PLCD4: variants seen among roughly 807,000 people sequenced by gnomAD.
The protein encoded by PLCD4 is phospholipase C delta 4, also known as 1-phosphatidylinositol 4,5-bisphosphate phosphodiesterase delta-4.
Under a neutral mutation model 90.2 loss-of-function variants are expected in PLCD4, and 63 were observed. That is an observed-to-expected ratio of 0.70 (90% CI 0.57 to 0.86). The LOEUF (loss-of-function observed/expected upper bound fraction) is 0.86. Ranked by LOEUF, PLCD4 falls within the 40% of genes least tolerant of loss-of-function variation. PLCD4 has a pLI of 0.00. For missense variants in PLCD4, 830 were observed against 956.3 expected, an observed-to-expected ratio of 0.87 and a Z score of 1.74; for synonymous variants, 294 against 356.5, an observed-to-expected ratio of 0.82 and a Z score of 1.97.
chr2:218,617,543 C>A (rs1405100329), intron 3 of PLCD4, among the ~76,000 whole-genome samples: 1 of 151,404 alleles, frequency 6.6e-6, no homozygotes. Context: ...TGCCATTGCA[C>A]TCCAGCCTGG....
rs776387005 is a variant in PLCD4 at position 218,635,804 on chromosome 2, C to T, written c.1905C>T (p.Ser635=). 2.4e-5 allele frequency: 38 copies of T among 1,612,028 alleles called. No homozygotes were observed. Among genetic ancestry groups the T allele is most frequent in the African/African-American group, 5.3e-5 (4 of 74,848 alleles). ...CAGAGCCCTGACTACAGGTGATCAGCGGTCAGCAACTCCCCAAAGTGGACA... is the reference window on the plus strand; with the variant it reads ...CAGAGCCCTGACTACAGGTGATCAGTGGTCAGCAACTCCCCAAAGTGGACA... ...KAQTLLIQVI[S]GQQLPKVDKT... Residue 635 remains serine (S), a synonymous_variant, in exon 14 of 16, where the codon AGC becomes AGT. Coordinates refer to ENST00000450993, the MANE Select transcript of PLCD4 (RefSeq NM_032726.4).
In PLCD4 at chr2:218,636,333, G is replaced by A; in HGVS notation, c.2123G>A (p.Trp708Ter). ...CGTTTTGTGGTAATGGATTATGACT[G>A]GAAATCCCGAAATGACTTTATTGGT... ...MLRFVVMDYD[W>*]KSRNDFIGQY... Residue 708 changes from tryptophan (W) to a stop codon, truncating the protein, a stop_gained, in exon 15 of 16, where the codon TGG (tryptophan) becomes TAG (stop). Transcript: ENST00000450993. LOFTEE classifies it high-confidence loss of function. The A allele has an allele frequency of 4.3e-6, 7 of 1,614,040 alleles. No homozygotes were observed. The highest frequency in any genetic ancestry group is 2.2e-5 in the East Asian group (1 of 44,884).
chr2:218,626,361 T>C (rs1159080624), intron 6 of PLCD4, among the ~76,000 whole-genome samples: 3 of 152,100 alleles, frequency 2.0e-5, no homozygotes, highest in Admixed American at 2.0e-4. Flanking sequence ...ATGAGAGTCA[T>C]GTTGTTCCAC....
chr2:218,611,067 A>G (rs1695313454), intron 1 of PLCD4, among the ~76,000 whole-genome samples: 1 of 152,124 alleles, frequency 6.6e-6, no homozygotes, highest in Non-Finnish European at 1.5e-5. Flanking sequence ...CACTCATTAA[A>G]TGACTCTGGC....
chr2:218,634,606 C>T lies in PLCD4; in HGVS notation c.1872C>T (p.Phe624=). 6.2e-7 allele frequency: 1 copy of T among 1,613,986 alleles called. No individual in the cohort carries two copies. The highest frequency in any genetic ancestry group is 1.1e-5 in the South Asian group (1 of 91,080). ...ACCCTGAGAAGCCCATCAGCCCTTT[C>T]AAAGCCCAGACTCTCTTAATCCAGG... ...SFHPEKPISP[F]KAQTLLIQVI... Residue 624 remains phenylalanine (F), a synonymous_variant, in exon 13 of 16, where the codon TTC becomes TTT. Coordinates refer to ENST00000450993, the MANE Select transcript of PLCD4 (RefSeq NM_032726.4). This position sits in a 1 kb window ranked among gnomAD's most constrained non-coding sequence, Gnocchi z 4.0.
At position 218,610,734 on chromosome 2, in the gene PLCD4, T is replaced by C. The variant is rs201294963; in HGVS notation, c.-34+2664T>C. 9.2e-5 allele frequency among the ~76,000 whole-genome samples: 14 copies of C among 151,952 alleles called. No homozygotes were observed. In the East Asian group the frequency reaches 9.7e-4, roughly 11 times the overall value. ...ATGGAGACCTGGGTTCTTTTTTTTTTCCTCCTGCCCAAGACAGAGTTTTGC... is the reference window on the plus strand; with the variant it reads ...ATGGAGACCTGGGTTCTTTTTTTTTCCCTCCTGCCCAAGACAGAGTTTTGC... On this transcript the variant is annotated intron_variant, in intron 1 of 15. Coordinates refer to ENST00000450993, the MANE Select transcript of PLCD4 (RefSeq NM_032726.4).
intron 6 of PLCD4, among the ~76,000 whole-genome samples, chr2:218,627,122 G>A (rs1696151253): frequency 6.6e-6 from 1 of 151,518 alleles, no homozygotes; most frequent in African/African-American, 2.4e-5. Context: ...AGAGCCGGGT[G>A]TAGTGGGGGG....
At position 218,621,319 on chromosome 2, in the gene PLCD4, A is replaced by C. The variant is rs1198169483; in HGVS notation, c.411-151A>C. ...GACAAGATAGATTGGTGCTCTAGAG[A>C]GATTATTCTAGAAGCTGTGTGGAGA... On this transcript the variant is annotated intron_variant, in intron 4 of 15. Transcript: ENST00000450993. 8.0e-6 allele frequency: 7 copies of C among 880,414 alleles called. No individual in the cohort carries two copies. In the East Asian group the frequency reaches 1.8e-4, roughly 23 times the overall value. The allele number at this position is 880,414 out of a possible 1,614,324, so 54.5% of individuals were successfully genotyped here.
rs1696624479 is a variant in PLCD4, at chr2:218,634,921, C to A, written c.1896+291C>A. ...TATAACAGTTAATATAAAGTTCTTA[C>A]AATTCCTGGCACACAGGAAGTGCTA... is the stretch of plus-strand genomic sequence containing the variant. On this transcript the variant is annotated intron_variant, in intron 13 of 15. Coordinates refer to ENST00000450993, the MANE Select transcript of PLCD4 (RefSeq NM_032726.4). This position sits in a 1 kb window ranked among gnomAD's most constrained non-coding sequence, Gnocchi z 4.0. Among the ~76,000 whole-genome samples, 1 of 152,130 alleles carries A rather than the reference C, an allele frequency of 6.6e-6. No homozygotes were observed. Among genetic ancestry groups the A allele is most frequent in the African/African-American group, 2.4e-5 (1 of 41,434 alleles).
intron 6 of PLCD4, among the ~76,000 whole-genome samples, chr2:218,625,690 T>G (rs1696084161): frequency 6.6e-6 from 1 of 152,234 alleles, no homozygotes; most frequent in Admixed American, 6.5e-5. Context: ...TCCCAGCACT[T>G]TGGGAGGCCA....
intron 7 of PLCD4, 74 bp downstream of exon 7, chr2:218,628,304 C>CT (rs1480264267): frequency 6.9e-7 from 1 of 1,445,084 alleles, no homozygotes; most frequent in South Asian, 1.2e-5. Context: ...CTGTCAGTGT[C>CT]TAACAGATTG....
In PLCD4 at chr2:218,634,255, G is replaced by A; in HGVS notation, c.1723+34G>A. 1 of 1,591,986 alleles carries A rather than the reference G, an allele frequency of 6.3e-7. No homozygotes were observed. ...GCAGCAGGGACTGGGAAGAGGGAGT[G>A]GAGGAGCAGCAGGTGGGAAATAAGT... On this transcript the variant is annotated intron_variant, in intron 12 of 15. Coordinates refer to ENST00000450993, the MANE Select transcript of PLCD4 (RefSeq NM_032726.4). This position sits in a 1 kb window ranked among gnomAD's most constrained non-coding sequence, Gnocchi z 4.0.
Position 218,634,701 on chromosome 2 carries a change from G to A in PLCD4, c.1896+71G>A, listed in dbSNP as rs559307706. On this transcript the variant is annotated intron_variant, in intron 13 of 15. Transcript: ENST00000450993. The surrounding 1 kb of genome is among the most constrained non-coding windows in gnomAD (Gnocchi z 4.0). The stretch of plus-strand genomic sequence containing the variant: ...TAGAAGTGAGGGAAGAGGTGGCTAG[G>A]CCTGACCGGAATGTAGAGGCCGGAT... 1.3e-6 allele frequency: 2 copies of A among 1,533,396 alleles called. No homozygotes were observed. Among genetic ancestry groups the A allele is most frequent in the Non-Finnish European group, 8.9e-7 (1 of 1,125,902 alleles). The allele number at this position is 1,533,396 out of a possible 1,614,324, so 95.0% of individuals were successfully genotyped here.
At chr2:218,616,147 A>G (rs1198651943) in intron 3 of PLCD4, 85 bp downstream of exon 3, 6 of 1,475,018 alleles carry the variant, frequency 4.1e-6, no homozygotes, top group African/African-American at 1.4e-5. Context: ...AAGTCCTACG[A>G]TAGTGTGTGT....
chr2:218,620,984 C>T (rs572899512), intron 4 of PLCD4, among the ~76,000 whole-genome samples: 1 of 150,978 alleles, frequency 6.6e-6, no homozygotes, highest in Non-Finnish European at 1.5e-5. Flanking sequence ...GGCTGGAATG[C>T]AGTGGTGCCA....
In PLCD4 at chr2:218,635,940, C is replaced by T; in HGVS notation, c.2032+9C>T. On this transcript the variant is annotated intron_variant, in intron 14 of 15. Coordinates refer to ENST00000450993, the MANE Select transcript of PLCD4 (RefSeq NM_032726.4). Reference sequence around the variant, plus strand: ...CTATGTGGAGAACAATGGTGAGAAACTGGCAGTGCTGGGGAGGTGGGGGTA... The same window carrying T: ...CTATGTGGAGAACAATGGTGAGAAATTGGCAGTGCTGGGGAGGTGGGGGTA... 1 of 1,613,988 alleles carries T rather than the reference C, an allele frequency of 6.2e-7. No homozygotes were observed. The highest frequency in any genetic ancestry group is 8.5e-7 in the Non-Finnish European group (1 of 1,179,886).
In PLCD4 at chr2:218,634,058, G is replaced by C. The variant is rs1696557848; in HGVS notation, c.1607-47G>C. 1.3e-6 allele frequency: 2 copies of C among 1,561,926 alleles called. No homozygotes were observed. Among genetic ancestry groups the C allele is most frequent in the Non-Finnish European group, 1.7e-6 (2 of 1,152,854 alleles). On this transcript the variant is annotated intron_variant, in intron 11 of 15. Coordinates refer to ENST00000450993, the MANE Select transcript of PLCD4 (RefSeq NM_032726.4). This position sits in a 1 kb window ranked among gnomAD's most constrained non-coding sequence, Gnocchi z 4.0. ...GCATGGTCCTTGGGACTAGGGAAGT[G>C]GGAGATTCCACCCCACTTCCATCTC... is the stretch of plus-strand genomic sequence containing the variant.
Position 218,615,903 on chromosome 2 carries a change from G to A in PLCD4, c.23-1G>A, listed in dbSNP as rs767193679. ...CCTAACCCCTGCTTTTCCTGACCTAGAGCTGACCACTGATCAGGACTTGCT... is the reference window on the plus strand; with the variant it reads ...CCTAACCCCTGCTTTTCCTGACCTAAAGCTGACCACTGATCAGGACTTGCT... On this transcript the variant is annotated splice_acceptor_variant, in intron 2 of 15. Transcript: ENST00000450993. LOFTEE classifies it high-confidence loss of function. The A allele has an allele frequency of 8.7e-6, 14 of 1,613,900 alleles. No individual in the cohort carries two copies. The highest frequency in any genetic ancestry group is 1.2e-5 in the Non-Finnish European group (14 of 1,179,898).
chr2:218,608,929 G>C (rs1404085507), intron 1 of PLCD4, among the ~76,000 whole-genome samples: 2 of 151,974 alleles, frequency 1.3e-5, no homozygotes, highest in African/African-American at 4.8e-5. Context: ...ACGAGGTCAG[G>C]AGATTGAGAC....
Sources: gnomAD v4.1 joint callset for allele counts (sites outside exome capture counted in the v4.1 genomes callset) on GRCh38, gnomAD v4.1.1 for gene constraint, Gnocchi (gnomAD v3.1) non-coding constraint, MANE v1.5 for transcripts, NCBI Gene and HGNC (gene_info 2026-07-23, HGNC 2026-07-21) for gene names.